The following XIRP2 variants were observed in gnomAD, a reference collection of about 807,000 sequenced individuals.
XIRP2 encodes the protein xin actin binding repeat containing 2.
A neutral mutation model predicts 277.0 loss-of-function variants in XIRP2; 236 were observed. That is an observed-to-expected ratio of 0.85 (90% CI 0.77 to 0.95). The LOEUF (loss-of-function observed/expected upper bound fraction) is 0.95. Among genes scored for constraint, XIRP2 ranks in the 40% least tolerant of loss-of-function variants. The pLI is 0.00. For synonymous variants in XIRP2, 1,490 were observed against 1,416.5 expected (o/e 1.05, Z -1.17); for missense variants, 4,640 against 4,157.5 (o/e 1.12, Z -3.19).
chr2:167,008,729 G>A (rs1203863836), intron 2 of XIRP2, among the ~76,000 whole-genome samples: 1 of 151,388 alleles, frequency 6.6e-6, no homozygotes. Flanking sequence ...AACTAAATAA[G>A]TACATAATTA....
chr2:166,905,971 T>C (rs1684507399), intron 2 of XIRP2, among the ~76,000 whole-genome samples: 1 of 152,030 alleles, frequency 6.6e-6, no homozygotes, highest in African/African-American at 2.4e-5. Flanking sequence ...GTGACTACTT[T>C]ATATTATTTA....
chr2:167,170,891 C>CTTTTTT, intron 3 of XIRP2, among the ~76,000 whole-genome samples: 1 of 122,886 alleles, frequency 8.1e-6, no homozygotes, highest in Admixed American at 8.3e-5. Flanking sequence ...TTTTGCCTTT[C>CTTTTTT]TTCTTTTTTT....
chr2:166,906,955 G>A (rs1474560783), intron 2 of XIRP2, among the ~76,000 whole-genome samples: 1 of 151,984 alleles, frequency 6.6e-6, no homozygotes. Flanking sequence ...AAGTGTGCAA[G>A]GTCATTAAAA....
intron 3 of XIRP2, among the ~76,000 whole-genome samples, chr2:167,181,170 G>T (rs1211894412): frequency 6.6e-6 from 1 of 152,192 alleles, no homozygotes; most frequent in Non-Finnish European, 1.5e-5. Context: ...TGATGGGGTA[G>T]GGGTGTAGCA....
chr2:167,027,836 G>T (rs1277922380), intron 2 of XIRP2, among the ~76,000 whole-genome samples: 4 of 152,014 alleles, frequency 2.6e-5, no homozygotes, highest in South Asian at 2.1e-4. Flanking sequence ...ATAGGGAAAA[G>T]AATTCAAATT....
Position 167,135,998 on chromosome 2 carries a change from G to A in XIRP2, c.498G>A (p.Lys166=). The change falls in exon 3 of 11, where the codon AAG becomes AAA. Residue 166 remains lysine, a synonymous_variant. Transcript: ENST00000409195. ...AGGATTCTGTGAAAGATTCAGACAA[G>A]AAAGGCAAGGAAACATCTTTTGACA... ...QLEDSVKDSD[K]KGKETSFDKM... The A allele has an allele frequency of 6.2e-7, 1 of 1,611,980 alleles. No homozygotes were observed. Among genetic ancestry groups the A allele is most frequent in the Non-Finnish European group, 8.5e-7 (1 of 1,179,138 alleles).
chr2:167,258,637 A>G lies in XIRP2; in HGVS notation c.*820A>G, dbSNP rs373233927. 9.3e-5 allele frequency: 150 copies of G among 1,611,992 alleles called. No homozygotes were observed. Among genetic ancestry groups the G allele is most frequent in the Non-Finnish European group, 9.1e-5 (107 of 1,179,286 alleles). On this transcript the variant is annotated 3_prime_UTR_variant, in exon 11 of 11. Transcript: ENST00000409195. ...CTAACACTGATGATGAGATGATGCCAGAAAATCATAAAGAAAATTTGAATA... is the reference window on the plus strand; with the variant it reads ...CTAACACTGATGATGAGATGATGCCGGAAAATCATAAAGAAAATTTGAATA...
chr2:167,198,543 A>T (rs1693585856), intron 3 of XIRP2, among the ~76,000 whole-genome samples: 1 of 152,202 alleles, frequency 6.6e-6, no homozygotes, highest in Admixed American at 6.5e-5. Context: ...GGTGAGAATA[A>T]TGGTGTCCTA....
chr2:167,120,719 T>C (rs1691033440), intron 2 of XIRP2, among the ~76,000 whole-genome samples: 1 of 152,154 alleles, frequency 6.6e-6, no homozygotes, highest in South Asian at 2.1e-4. Context: ...CTCAGGCTCT[T>C]ATCTTAACAA....
chr2:167,135,885 C>G (rs1402259381), intron 2 of XIRP2, 24 bp from the exon 3 acceptor site: 1 of 1,561,172 alleles, frequency 6.4e-7, no homozygotes, highest in East Asian at 2.3e-5. Context: ...TTTTAACATA[C>G]AACCCTTTAA....
chr2:167,010,122 A>T (rs1033147286), intron 2 of XIRP2, among the ~76,000 whole-genome samples: 1 of 152,038 alleles, frequency 6.6e-6, no homozygotes. Flanking sequence ...TTGGTGTTTT[A>T]GACATGAAGT....
At chr2:167,156,841 T>C (rs1299498052) in intron 3 of XIRP2, among the ~76,000 whole-genome samples, 6 of 152,164 alleles carry the variant, frequency 3.9e-5, no homozygotes, top group South Asian at 2.1e-4. Flanking sequence ...AAGCAAAATA[T>C]GAATGGCTTT....
intron 2 of XIRP2, among the ~76,000 whole-genome samples, chr2:166,996,321 A>C (rs566697274): frequency 6.6e-6 from 1 of 152,334 alleles, no homozygotes; most frequent in Admixed American, 6.5e-5. Flanking sequence ...ATTTGCCAAC[A>C]TAAGTAAAAT....
intron 4 of XIRP2, among the ~76,000 whole-genome samples, chr2:167,211,973 A>AAG (rs897455805): frequency 7.2e-5 from 11 of 152,026 alleles, no homozygotes; most frequent in Admixed American, 2.0e-4. Flanking sequence ...GAGACAGAGA[A>AAG]AGAGAGAGAG....
chr2:167,238,237 A>T (rs1049308468), intron 5 of XIRP2, among the ~76,000 whole-genome samples: 10 of 152,182 alleles, frequency 6.6e-5, no homozygotes, highest in African/African-American at 2.2e-4. Context: ...CATATTATCA[A>T]ATATCACTTG....
chr2:167,228,605 T>G (rs893495882), intron 5 of XIRP2, among the ~76,000 whole-genome samples: 3 of 152,114 alleles, frequency 2.0e-5, no homozygotes, highest in African/African-American at 7.2e-5. Flanking sequence ...GGCAGGTGGT[T>G]AGAAACATTA....
At chr2:166,913,317 C>CCA (rs1553469499) in intron 2 of XIRP2, among the ~76,000 whole-genome samples, 1 of 132,210 alleles carries the variant, frequency 7.6e-6, no homozygotes, top group Non-Finnish European at 1.7e-5. Context: ...GGCACCCCCC[C>CCA]CCCCCAGCCT....
intron 2 of XIRP2, among the ~76,000 whole-genome samples, chr2:166,937,151 G>T (rs993470761): frequency 1.3e-5 from 2 of 152,144 alleles, no homozygotes; most frequent in African/African-American, 4.8e-5. Flanking sequence ...GTGAGAGAGG[G>T]CATCCCTATC....
chr2:166,941,382 C>T (rs1464283837), intron 2 of XIRP2, among the ~76,000 whole-genome samples: 164 of 152,342 alleles, frequency 1.1e-3, no homozygotes, highest in Non-Finnish European at 5.9e-5. Flanking sequence ...TCCCTGACCC[C>T]TTGCACTTCC....
Sources: allele counts gnomAD v4.1 joint callset (sites outside exome capture counted in the v4.1 genomes callset), GRCh38; gene constraint gnomAD v4.1.1; transcripts MANE v1.5; gene names NCBI Gene and HGNC (gene_info 2026-07-23, HGNC 2026-07-21).